The following ZNF385D variants were observed in gnomAD, a reference collection of about 807,000 sequenced individuals.
The protein encoded by ZNF385D is zinc finger protein 385D, also known as zinc finger protein 659.
A neutral mutation model predicts 35.8 loss-of-function variants in ZNF385D; 15 were observed. That is an observed-to-expected ratio of 0.42 (90% CI 0.28 to 0.64). The LOEUF (loss-of-function observed/expected upper bound fraction) is 0.64, where lower values mean the gene tolerates loss of function less well. Among genes scored for constraint, ZNF385D ranks in the 30% least tolerant of loss-of-function variants. The probability of loss-of-function intolerance (pLI) is 0.23; values close to 1 mark genes in which losing one functional copy is unlikely to be tolerated. For synonymous variants in ZNF385D, 212 were observed against 186.8 expected (o/e 1.13, Z -1.10); for missense variants, 474 against 494.6 (o/e 0.96, Z 0.39).
intron 1 of ZNF385D, among the ~76,000 whole-genome samples, chr3:21,673,525 G>A (rs1414485611): frequency 1.1e-4 from 16 of 152,100 alleles, no homozygotes; most frequent in Non-Finnish European, 8.8e-5. Context: ...TTCAGATTGA[G>A]GAGAAGAGTT....
At chr3:22,325,502 G>A (rs769803251) in intron 2 of ZNF385D, among the ~76,000 whole-genome samples, 5 of 152,088 alleles carry the variant, frequency 3.3e-5, no homozygotes, top group East Asian at 1.9e-4. Context: ...GGTGATGCAC[G>A]CCTATAGTCC....
At chr3:21,844,347 T>C (rs1453451541) in intron 3 of ZNF385D, among the ~76,000 whole-genome samples, 2 of 150,850 alleles carry the variant, frequency 1.3e-5, no homozygotes, top group Non-Finnish European at 2.9e-5. Context: ...GATCACTGGC[T>C]TTATTCTAGC....
intron 3 of ZNF385D, among the ~76,000 whole-genome samples, chr3:22,068,195 G>T (rs1421755800): frequency 1.3e-5 from 2 of 151,986 alleles, no homozygotes; most frequent in Non-Finnish European, 2.9e-5. Flanking sequence ...TTGTAACATT[G>T]TTCTCTTAGA....
intron 2 of ZNF385D, among the ~76,000 whole-genome samples, chr3:21,583,403 GT>G (rs1427816632): frequency 6.6e-6 from 1 of 152,086 alleles, no homozygotes; most frequent in African/African-American, 2.4e-5. Context: ...ACCTTTTCTA[GT>G]TTTAAAATTT....
chr3:22,031,417 G>C (rs555839394), intron 3 of ZNF385D, among the ~76,000 whole-genome samples: 56 of 152,230 alleles, frequency 3.7e-4, no homozygotes, highest in Non-Finnish European at 6.8e-4. Flanking sequence ...CTCAGCTCTT[G>C]TATTCTGCAC....
At chr3:22,267,243 AAAT>A (rs1700943220) in intron 2 of ZNF385D, among the ~76,000 whole-genome samples, 1 of 151,976 alleles carries the variant, frequency 6.6e-6, no homozygotes, top group African/African-American at 2.4e-5. Context: ...TTCAAAAGAT[AAAT>A]AACATACAGA....
At chr3:21,648,424 A>G (rs1431561022) in intron 2 of ZNF385D, among the ~76,000 whole-genome samples, 1 of 152,148 alleles carries the variant, frequency 6.6e-6, no homozygotes. Flanking sequence ...GTATTTCTTT[A>G]TACCATGTAA....
At chr3:21,769,879 C>T (rs1284108279) in intron 3 of ZNF385D, among the ~76,000 whole-genome samples, 1 of 151,156 alleles carries the variant, frequency 6.6e-6, no homozygotes, top group Non-Finnish European at 1.5e-5. Flanking sequence ...GTACTGGTAC[C>T]AAAACAGAGA....
At chr3:21,655,569 A>G (rs1245488694) in intron 2 of ZNF385D, among the ~76,000 whole-genome samples, 1 of 151,998 alleles carries the variant, frequency 6.6e-6, no homozygotes, top group Admixed American at 6.6e-5. Context: ...GCTCTTTTTT[A>G]TAGTCATTCA....
intron 3 of ZNF385D, among the ~76,000 whole-genome samples, chr3:22,153,370 C>A (rs985567144): frequency 6.6e-6 from 1 of 152,028 alleles, no homozygotes; most frequent in Non-Finnish European, 1.5e-5. Flanking sequence ...CATCATCAGG[C>A]AAACTCTGTA....
intron 3 of ZNF385D, among the ~76,000 whole-genome samples, chr3:21,785,724 T>C (rs1385959204): frequency 6.6e-6 from 1 of 152,220 alleles, no homozygotes; most frequent in African/African-American, 2.4e-5. Context: ...CAAACTCAAT[T>C]CAACAAACAC....
intron 4 of ZNF385D, among the ~76,000 whole-genome samples, chr3:21,453,140 G>C (rs1237697686): frequency 1.4e-5 from 2 of 147,026 alleles, no homozygotes; most frequent in Non-Finnish European, 3.0e-5. Context: ...CTTCAACAAT[G>C]ATGCTAGGAC....
At chr3:22,089,638 T>C (rs748081255) in intron 3 of ZNF385D, among the ~76,000 whole-genome samples, 1 of 152,156 alleles carries the variant, frequency 6.6e-6, no homozygotes, top group Non-Finnish European at 1.5e-5. Context: ...CCTTCCTCAG[T>C]GAGGTTTGGA....
At chr3:21,910,251 A>G (rs922310905) in intron 3 of ZNF385D, among the ~76,000 whole-genome samples, 1 of 151,962 alleles carries the variant, frequency 6.6e-6, no homozygotes, top group Non-Finnish European at 1.5e-5. Flanking sequence ...ACCATTTGCC[A>G]GGCATTATAT....
chr3:21,887,699 T>A (rs1698620192), intron 3 of ZNF385D, among the ~76,000 whole-genome samples: 1 of 151,900 alleles, frequency 6.6e-6, no homozygotes, highest in South Asian at 2.1e-4. Flanking sequence ...AACAGAAAAA[T>A]TATAAATTTA....
intron 3 of ZNF385D, among the ~76,000 whole-genome samples, chr3:21,816,717 C>CATAG (rs2073163357): frequency 1.3e-5 from 2 of 152,170 alleles, no homozygotes; most frequent in Admixed American, 1.3e-4. Context: ...ATTCCATGCT[C>CATAG]ATAGATAGGA....
At chr3:22,274,475 G>A (rs548148947) in intron 2 of ZNF385D, among the ~76,000 whole-genome samples, 4 of 152,044 alleles carry the variant, frequency 2.6e-5, no homozygotes, top group African/African-American at 9.6e-5. Flanking sequence ...ATTAGGCTCT[G>A]AGGAAGCATG....
At chr3:21,533,847 GC>G (rs1225013093) in intron 3 of ZNF385D, among the ~76,000 whole-genome samples, 1 of 152,068 alleles carries the variant, frequency 6.6e-6, no homozygotes, top group Non-Finnish European at 1.5e-5. Flanking sequence ...TATTGGCAGA[GC>G]CCAGTTAACA....
At chr3:21,536,923 A>G (rs939744749) in intron 3 of ZNF385D, among the ~76,000 whole-genome samples, 1 of 151,964 alleles carries the variant, frequency 6.6e-6, no homozygotes. Context: ...AAAGGCTGAG[A>G]GGAAAGAGTG....
Sources: gnomAD v4.1 joint callset for allele counts (sites outside exome capture counted in the v4.1 genomes callset) on GRCh38, gnomAD v4.1.1 for gene constraint, MANE v1.5 for transcripts, NCBI Gene and HGNC (gene_info 2026-07-23, HGNC 2026-07-21) for gene names.